Variants in SSH2 observed in about 807,000 individuals in gnomAD.
SSH2 encodes the protein protein phosphatase Slingshot homolog 2.
SSH2 carries 37 observed loss-of-function variants against 135.2 expected under a neutral mutation model. That is an observed-to-expected ratio of 0.27 (90% CI 0.21 to 0.36). The LOEUF (loss-of-function observed/expected upper bound fraction) is 0.36. Ranked by LOEUF, SSH2 falls within the 10% of genes least tolerant of loss-of-function variation. SSH2 has a pLI of 1.00. For synonymous variants in SSH2, 628 were observed against 646.2 expected (o/e 0.97, Z 0.43); for missense variants, 1,408 against 1,765.3 (o/e 0.80, Z 3.63).
intron 3 of SSH2, among the ~76,000 whole-genome samples, chr17:29,783,716 TG>T (rs927824099): frequency 2.0e-5 from 3 of 152,014 alleles, no homozygotes; most frequent in African/African-American, 4.8e-5. Flanking sequence ...CCATTACACC[TG>T]AAAAGGCATC....
At chr17:29,825,948 T>G (rs2042734759) in intron 2 of SSH2, among the ~76,000 whole-genome samples, 1 of 152,228 alleles carries the variant, frequency 6.6e-6, no homozygotes, top group South Asian at 2.1e-4. Flanking sequence ...GGCCTACTCT[T>G]AATTCTGAAC....
At chr17:29,680,271 A>G (rs1319999704) in intron 6 of SSH2, among the ~76,000 whole-genome samples, 4 of 152,058 alleles carry the variant, frequency 2.6e-5, no homozygotes, top group African/African-American at 9.7e-5. Context: ...ACACCTTAAG[A>G]GTGATTCCAG....
At chr17:29,806,028 C>T (rs1184247868) in intron 2 of SSH2, among the ~76,000 whole-genome samples, 4 of 152,140 alleles carry the variant, frequency 2.6e-5, no homozygotes, top group African/African-American at 9.7e-5. Context: ...TAAACTTAGG[C>T]TAATTTCACT....
chr17:29,771,429 ATCTT>A (rs1241948806), intron 3 of SSH2, among the ~76,000 whole-genome samples: 1 of 152,204 alleles, frequency 6.6e-6, no homozygotes, highest in Non-Finnish European at 1.5e-5. Flanking sequence ...AAGATATATC[ATCTT>A]TCTTTCACAC....
rs758765686 is a variant in SSH2, at chr17:29,636,388, G to A, written c.1842C>T (p.Asn614=). 1.2e-6 allele frequency: 2 copies of A among 1,614,032 alleles called. No individual in the cohort carries two copies. Among genetic ancestry groups the A allele is most frequent in the Non-Finnish European group, 1.7e-6 (2 of 1,180,020 alleles). The part of the protein sequence containing the change: ...IQPGHVPEMA[N]KFPDLTVEDL... ...CTTCCACTGTTAAGTCTGGAAACTT[G>A]TTGGCCATTTCTGGGACATGTCCAG... is the stretch of plus-strand genomic sequence containing the variant. Residue 614 remains asparagine, a synonymous_variant, in exon 15 of 16, where the codon AAC becomes AAT. Transcript: ENST00000540801.
At chr17:29,856,951 C>A (rs2065672945) in intron 1 of SSH2, among the ~76,000 whole-genome samples, 1 of 152,144 alleles carries the variant, frequency 6.6e-6, no homozygotes, top group Non-Finnish European at 1.5e-5. Flanking sequence ...TCAATTACCT[C>A]CTACCGGGTC....
intron 1 of SSH2, among the ~76,000 whole-genome samples, chr17:29,916,268 C>T (rs937974128): frequency 6.6e-6 from 1 of 151,898 alleles, no homozygotes; most frequent in African/African-American, 2.4e-5. Context: ...TAATGCACTC[C>T]CTGGCTTAAC....
intron 3 of SSH2, among the ~76,000 whole-genome samples, chr17:29,745,921 G>A (rs910801267): frequency 2.0e-5 from 3 of 152,074 alleles, no homozygotes; most frequent in Non-Finnish European, 4.4e-5. Flanking sequence ...TTCAAACACT[G>A]CACTATTACT....
intron 2 of SSH2, among the ~76,000 whole-genome samples, chr17:29,845,158 G>T (rs1270892503): frequency 6.6e-6 from 1 of 152,212 alleles, no homozygotes; most frequent in Non-Finnish European, 1.5e-5. Flanking sequence ...TGAAGAGAAA[G>T]TTCTTCGACG....
chr17:29,637,020 A>G (rs1451659908), intron 14 of SSH2, among the ~76,000 whole-genome samples: 1 of 152,270 alleles, frequency 6.6e-6, no homozygotes, highest in Non-Finnish European at 1.5e-5. Flanking sequence ...TCAGTCTGAC[A>G]GGAATTAAAA....
intron 2 of SSH2, among the ~76,000 whole-genome samples, chr17:29,817,878 C>A (rs1343193716): frequency 6.6e-6 from 1 of 152,140 alleles, no homozygotes; most frequent in Admixed American, 6.5e-5. Flanking sequence ...CCGCCTCAGC[C>A]TCCAGAGTAA....
intron 3 of SSH2, among the ~76,000 whole-genome samples, chr17:29,792,505 G>A (rs118064341): frequency 1.3e-5 from 2 of 152,060 alleles, no homozygotes; most frequent in South Asian, 2.1e-4. Flanking sequence ...TAAGAGACAC[G>A]AGAAATTAAG....
chr17:29,909,192 T>C (rs1022945961), intron 1 of SSH2, among the ~76,000 whole-genome samples: 35 of 152,212 alleles, frequency 2.3e-4, no homozygotes, highest in Non-Finnish European at 1.8e-4. Context: ...ACTTCTCTTA[T>C]AGGAAATTAG....
chr17:29,921,652 C>T (rs1396117933), intron 1 of SSH2, among the ~76,000 whole-genome samples: 1 of 151,952 alleles, frequency 6.6e-6, no homozygotes, highest in Non-Finnish European at 1.5e-5. Flanking sequence ...TCTTGGCTCA[C>T]TGCAACCTCT....
At chr17:29,873,827 T>C (rs1007069089) in intron 1 of SSH2, among the ~76,000 whole-genome samples, 9 of 152,200 alleles carry the variant, frequency 5.9e-5, no homozygotes, top group African/African-American at 1.9e-4. Flanking sequence ...TTGCTATCAG[T>C]GACTGACTGA....
intron 2 of SSH2, among the ~76,000 whole-genome samples, chr17:29,802,968 T>A (rs1777530392): frequency 6.6e-6 from 1 of 152,142 alleles, no homozygotes; most frequent in Non-Finnish European, 1.5e-5. Context: ...GAAAAAGGAA[T>A]CTAGTAGTCT....
At chr17:29,720,209 T>C (rs2039773743) in intron 3 of SSH2, among the ~76,000 whole-genome samples, 1 of 152,210 alleles carries the variant, frequency 6.6e-6, no homozygotes, top group Non-Finnish European at 1.5e-5. Flanking sequence ...GTTCTAAAAG[T>C]GAATTCTCAA....
intron 2 of SSH2, among the ~76,000 whole-genome samples, chr17:29,808,380 C>T (rs1350224043): frequency 6.6e-6 from 1 of 152,244 alleles, no homozygotes. Context: ...CCGCCCGCCT[C>T]GGCCTCCCAA....
intron 14 of SSH2, among the ~76,000 whole-genome samples, chr17:29,637,332 C>G (rs878947876): frequency 6.6e-6 from 1 of 152,088 alleles, no homozygotes; most frequent in Admixed American, 6.6e-5. Flanking sequence ...CTTCTGACCT[C>G]GAGTGATATG....
Sources: gnomAD v4.1 joint callset for allele counts (sites outside exome capture counted in the v4.1 genomes callset) on GRCh38, gnomAD v4.1.1 for gene constraint, MANE v1.5 for transcripts, NCBI Gene and HGNC (gene_info 2026-07-23, HGNC 2026-07-21) for gene names.